PPP1R16B: variants seen among roughly 807,000 people sequenced by gnomAD.
PPP1R16B encodes the protein protein phosphatase 1 regulatory subunit 16B.
In PPP1R16B, 14 loss-of-function variants were observed where a neutral mutation model predicts 61.7. The observed-to-expected ratio is 0.23, with a 90% CI of 0.15 to 0.35. PPP1R16B has a LOEUF of 0.35. Ranked by LOEUF, PPP1R16B falls within the 10% of genes least tolerant of loss-of-function variation. The pLI, the probability that PPP1R16B is intolerant of heterozygous loss-of-function variation, is 1.00. For synonymous variants in PPP1R16B, 266 were observed against 305.3 expected (o/e 0.87, Z 1.34); for missense variants, 547 against 752.5 (o/e 0.73, Z 3.19).
chr20:38,814,945 TC>T (rs2084725858), intron 1 of PPP1R16B, among the ~76,000 whole-genome samples: 1 of 152,214 alleles, frequency 6.6e-6, no homozygotes, highest in Non-Finnish European at 1.5e-5. Context: ...TCGTTGGCTA[TC>T]CCATGGACTG....
At chr20:38,891,229 C>T (rs771963730) in intron 3 of PPP1R16B, among the ~76,000 whole-genome samples, 7 of 152,080 alleles carry the variant, frequency 4.6e-5, no homozygotes, top group Non-Finnish European at 8.8e-5. Context: ...GCTTGTGGCC[C>T]GGAGCTGTCA....
At chr20:38,854,052 A>G (rs529776732) in intron 2 of PPP1R16B, among the ~76,000 whole-genome samples, 1 of 152,254 alleles carries the variant, frequency 6.6e-6, no homozygotes, top group South Asian at 2.1e-4. Context: ...ATAATCTACC[A>G]CACATTCTAG....
At chr20:38,909,515 G>C (rs2085472316) in intron 10 of PPP1R16B, among the ~76,000 whole-genome samples, 1 of 152,212 alleles carries the variant, frequency 6.6e-6, no homozygotes, top group South Asian at 2.1e-4. Context: ...TGAGTGGAGT[G>C]AACAAGTTTG....
chr20:38,850,460 C>T (rs2084960954), intron 2 of PPP1R16B, among the ~76,000 whole-genome samples: 1 of 152,206 alleles, frequency 6.6e-6, no homozygotes, highest in African/African-American at 2.4e-5. Context: ...GCAGTTTCTA[C>T]TCCATATCAT....
rs765349784 is a variant in PPP1R16B at position 38,900,696 on chromosome 20, CA to C, written c.571+13del. ...CATGGCATACCAGGGTAAGGGAGGGCAGCCTGCTATGAAGTGAGCACAGCAC... is the reference window on the plus strand; with the variant it reads ...CATGGCATACCAGGGTAAGGGAGGGCGCCTGCTATGAAGTGAGCACAGCAC... On this transcript the variant is annotated intron_variant, in intron 5 of 10. Coordinates refer to ENST00000299824, the MANE Select transcript of PPP1R16B (RefSeq NM_015568.4). The C allele has an allele frequency of 1.3e-6, 2 of 1,560,878 alleles. No individual in the cohort carries two copies. Among genetic ancestry groups the C allele is most frequent in the Non-Finnish European group, 1.7e-6 (2 of 1,156,668 alleles).
chr20:38,838,476 C>CACTCTGCTGGGAGCT lies in PPP1R16B; in HGVS notation c.250+2302_250+2316dup, dbSNP rs1429588364. 3 of 152,336 alleles carry CACTCTGCTGGGAGCT rather than the reference C, an allele frequency of 2.0e-5. No individual in the cohort carries two copies. In the East Asian group the frequency reaches 5.8e-4, roughly 29 times the overall value. The allele number at this position is 152,336 out of a possible 1,614,324, so 9.4% of individuals were successfully genotyped here. ...ACGAGCCAAGAGGCATCCCTGGAAC[C>CACTCTGCTGGGAGCT]ACTCTGCTGGGAGCTGCTCCGCTGA... On this transcript the variant is annotated intron_variant, in intron 2 of 10. Coordinates refer to ENST00000299824, the MANE Select transcript of PPP1R16B (RefSeq NM_015568.4).
chr20:38,877,196 C>A (rs2085173584), intron 2 of PPP1R16B, among the ~76,000 whole-genome samples: 1 of 152,192 alleles, frequency 6.6e-6, no homozygotes, highest in African/African-American at 2.4e-5. Context: ...TGCATATAAA[C>A]AATGCTGCTG....
chr20:38,870,543 G>C (rs1482594984), intron 2 of PPP1R16B, among the ~76,000 whole-genome samples: 4 of 152,284 alleles, frequency 2.6e-5, no homozygotes, highest in African/African-American at 9.6e-5. Context: ...GGGAGGCTGG[G>C]CTAGAGGAGA....
intron 10 of PPP1R16B, among the ~76,000 whole-genome samples, chr20:38,915,151 T>A (rs992128254): frequency 5.3e-5 from 8 of 152,326 alleles, no homozygotes; most frequent in Non-Finnish European, 7.3e-5. Flanking sequence ...TATTGATACA[T>A]TATTATGAAC....
chr20:38,913,568 T>C (rs1352132697), intron 10 of PPP1R16B, among the ~76,000 whole-genome samples: 1 of 152,214 alleles, frequency 6.6e-6, no homozygotes, highest in Non-Finnish European at 1.5e-5. Context: ...GCCATGTCGT[T>C]GTTTTTTAAA....
chr20:38,894,473 G>A (rs2085319584), intron 3 of PPP1R16B, among the ~76,000 whole-genome samples: 1 of 152,200 alleles, frequency 6.6e-6, no homozygotes, highest in South Asian at 2.1e-4. Flanking sequence ...GGGCGTGCAC[G>A]CGCACACACA....
At position 38,905,963 on chromosome 20, in the gene PPP1R16B, C is replaced by G. The variant is rs1358855454; in HGVS notation, c.697-6C>G. 1 of 1,611,900 alleles carries G rather than the reference C, an allele frequency of 6.2e-7. No homozygotes were observed. The highest frequency in any genetic ancestry group is 8.5e-7 in the Non-Finnish European group (1 of 1,179,180). ...GAGGAATGCTCACTTCTTTCCTCTC[C>G]TCCAGCTGCACATAGCTGGAGCCAA... On this transcript the variant is annotated splice_polypyrimidine_tract_variant and splice_region_variant and intron_variant, in intron 6 of 10. Transcript: ENST00000299824.
chr20:38,894,659 C>G (rs905101341), intron 3 of PPP1R16B, among the ~76,000 whole-genome samples: 1 of 152,212 alleles, frequency 6.6e-6, no homozygotes, highest in African/African-American at 2.4e-5. Context: ...TGCTGGCTTT[C>G]GCAGAGGTCA....
At chr20:38,891,507 TATC>T (rs1329831945) in intron 3 of PPP1R16B, among the ~76,000 whole-genome samples, 4 of 152,170 alleles carry the variant, frequency 2.6e-5, no homozygotes, top group Non-Finnish European at 5.9e-5. Flanking sequence ...TCAGAAATAT[TATC>T]ATCCCCAGGC....
chr20:38,838,141 A>T (rs2084884546), intron 2 of PPP1R16B: 1 of 152,248 alleles, frequency 6.6e-6, no homozygotes, highest in Non-Finnish European at 1.5e-5. Flanking sequence ...TGATGTAACC[A>T]CAGCCCCCTT....
intron 10 of PPP1R16B, among the ~76,000 whole-genome samples, chr20:38,917,938 T>C (rs780577850): frequency 1.3e-5 from 2 of 152,166 alleles, no homozygotes; most frequent in Non-Finnish European, 2.9e-5. Flanking sequence ...AGCTAGGCCT[T>C]GGGTCATGAT....
intron 2 of PPP1R16B, among the ~76,000 whole-genome samples, chr20:38,871,123 G>A (rs1178526246): frequency 6.6e-6 from 1 of 152,142 alleles, no homozygotes; most frequent in East Asian, 1.9e-4. Flanking sequence ...TCACTAGAGA[G>A]CTTGACCCTA....
chr20:38,868,708 C>A (rs1297374361), intron 2 of PPP1R16B, among the ~76,000 whole-genome samples: 2 of 152,138 alleles, frequency 1.3e-5, no homozygotes, highest in African/African-American at 4.8e-5. Flanking sequence ...TGATACGGTT[C>A]ACCAATTGGA....
intron 2 of PPP1R16B, among the ~76,000 whole-genome samples, chr20:38,875,589 C>T (rs573130959): frequency 6.6e-6 from 1 of 152,146 alleles, no homozygotes; most frequent in African/African-American, 2.4e-5. Flanking sequence ...ATCAAACACC[C>T]GCAAACAAAA....
Sources: allele counts gnomAD v4.1 joint callset (sites outside exome capture counted in the v4.1 genomes callset), GRCh38; gene constraint gnomAD v4.1.1; transcripts MANE v1.5; gene names NCBI Gene and HGNC (gene_info 2026-07-23, HGNC 2026-07-21).